ERBB4: variants seen among roughly 807,000 people sequenced by gnomAD.
ERBB4 encodes erb-b2 receptor tyrosine kinase 4, also known as receptor tyrosine-protein kinase erbB-4.
In ERBB4, 42 loss-of-function variants were observed where a neutral mutation model predicts 158.0. That is an observed-to-expected ratio of 0.27 (90% CI 0.21 to 0.34). The LOEUF (loss-of-function observed/expected upper bound fraction) is 0.34, where lower values mean the gene tolerates loss of function less well. Ranked by LOEUF, ERBB4 falls within the 10% of genes least tolerant of loss-of-function variation. ERBB4 has a pLI of 1.00. For synonymous variants in ERBB4, 583 were observed against 558.7 expected (o/e 1.04, Z -0.61); for missense variants, 1,333 against 1,624.1 (o/e 0.82, Z 3.08).
intron 1 of ERBB4, among the ~76,000 whole-genome samples, chr2:212,323,877 T>C (rs559739671): frequency 3.1e-4 from 46 of 150,576 alleles, no homozygotes; most frequent in African/African-American, 1.1e-3. Context: ...CACCTCTTTA[T>C]TGACTGACGT....
chr2:211,412,664 T>G (rs1326374336), intron 25 of ERBB4, among the ~76,000 whole-genome samples: 3 of 151,988 alleles, frequency 2.0e-5, no homozygotes, highest in Non-Finnish European at 4.4e-5. Flanking sequence ...TATAAGAAAT[T>G]GAACAATTTG....
chr2:211,462,042 C>A (rs1410905653), intron 20 of ERBB4, among the ~76,000 whole-genome samples: 3 of 151,582 alleles, frequency 2.0e-5, no homozygotes, highest in Non-Finnish European at 4.4e-5. Flanking sequence ...TGCACTGACT[C>A]AATATAAAGA....
At chr2:211,562,293 A>G (rs573700391) in intron 19 of ERBB4, among the ~76,000 whole-genome samples, 4 of 152,338 alleles carry the variant, frequency 2.6e-5, no homozygotes, top group South Asian at 4.1e-4. Context: ...AAGTCTCTAC[A>G]TGCATTAACA....
chr2:211,466,601 C>T (rs988321372), intron 20 of ERBB4, among the ~76,000 whole-genome samples: 3 of 152,012 alleles, frequency 2.0e-5, no homozygotes, highest in Non-Finnish European at 4.4e-5. Context: ...CTGTGGGTGG[C>T]AGAAATAAAC....
intron 1 of ERBB4, among the ~76,000 whole-genome samples, chr2:212,234,442 T>C (rs1266619759): frequency 6.6e-6 from 1 of 152,210 alleles, no homozygotes; most frequent in Non-Finnish European, 1.5e-5. Context: ...GCAATAAACA[T>C]ATATGTGCAT....
At chr2:212,522,741 T>C (rs908404777) in intron 1 of ERBB4, among the ~76,000 whole-genome samples, 1 of 152,020 alleles carries the variant, frequency 6.6e-6, no homozygotes, top group Non-Finnish European at 1.5e-5. Flanking sequence ...CCAAATTGAT[T>C]GTTAGAATAT....
chr2:212,421,254 T>G (rs2091785348), intron 1 of ERBB4, among the ~76,000 whole-genome samples: 4 of 152,114 alleles, frequency 2.6e-5, no homozygotes, highest in Admixed American at 1.3e-4. Flanking sequence ...CATTCTACAC[T>G]TTTCTAGAGA....
chr2:212,171,776 C>T (rs1051139221), intron 1 of ERBB4, among the ~76,000 whole-genome samples: 4 of 152,106 alleles, frequency 2.6e-5, no homozygotes, highest in African/African-American at 7.2e-5. Context: ...TTTCCTGAGG[C>T]CTACCCAGTC....
At chr2:211,385,604 A>C (rs2062668556) in intron 27 of ERBB4, among the ~76,000 whole-genome samples, 1 of 152,146 alleles carries the variant, frequency 6.6e-6, no homozygotes, top group African/African-American at 2.4e-5. Flanking sequence ...TCTACACTAA[A>C]ATTCTGTACT....
In ERBB4 at chr2:211,483,365, CAAGAAA is replaced by C. The variant is rs1559213194; in HGVS notation, c.2488-52271_2488-52266del. On this transcript the variant is annotated intron_variant, in intron 20 of 27. Coordinates refer to ENST00000342788, the MANE Select transcript of ERBB4 (RefSeq NM_005235.3). ...CAGATCCAAGTAACATAATGAGCCC[CAAGAAA>C]AAGAAATATGAATTAAACTATTCCA... Among the ~76,000 whole-genome samples the C allele has an allele frequency of 2.6e-5, 4 of 151,918 alleles. No individual in the cohort carries two copies. In the South Asian group the frequency reaches 8.3e-4, roughly 32 times the overall value.
At chr2:211,745,044 A>C (rs1055134357) in intron 5 of ERBB4, among the ~76,000 whole-genome samples, 3 of 152,240 alleles carry the variant, frequency 2.0e-5, no homozygotes, top group Non-Finnish European at 2.9e-5. Flanking sequence ...ATTGTCAAAA[A>C]CTTACATAGC....
chr2:211,994,266 G>A (rs1362091955), intron 2 of ERBB4, among the ~76,000 whole-genome samples: 1 of 151,608 alleles, frequency 6.6e-6, no homozygotes, highest in Non-Finnish European at 1.5e-5. Context: ...GAGTACCTAG[G>A]ATGACAGACA....
At chr2:211,752,848 T>C (rs1271545610) in intron 4 of ERBB4, among the ~76,000 whole-genome samples, 1 of 152,188 alleles carries the variant, frequency 6.6e-6, no homozygotes, top group Non-Finnish European at 1.5e-5. Flanking sequence ...TAACCTTGAC[T>C]GTCTACTCGA....
chr2:211,972,979 A>G (rs1212665953), intron 2 of ERBB4, among the ~76,000 whole-genome samples: 1 of 152,182 alleles, frequency 6.6e-6, no homozygotes, highest in Non-Finnish European at 1.5e-5. Context: ...AAAATGGGAG[A>G]AACAACCTAA....
At chr2:211,523,087 G>A (rs1012933837) in intron 20 of ERBB4, among the ~76,000 whole-genome samples, 5 of 149,128 alleles carry the variant, frequency 3.4e-5, no homozygotes, top group African/African-American at 1.2e-4. Flanking sequence ...AGAATGAAAG[G>A]GGTAGAGCAA....
chr2:211,856,830 T>C (rs2077878560), intron 3 of ERBB4, among the ~76,000 whole-genome samples: 2 of 152,270 alleles, frequency 1.3e-5, no homozygotes, highest in South Asian at 2.1e-4. Flanking sequence ...TCAATGTTTA[T>C]GAACATATGA....
rs148859237 is a variant in ERBB4, at chr2:211,760,211, T to G, written c.557-9507A>C. On this transcript the variant is annotated intron_variant, in intron 4 of 27. Coordinates refer to ENST00000342788, the MANE Select transcript of ERBB4 (RefSeq NM_005235.3). ...AAACACTGATGGGATCTGAAATAGA[T>G]GAGGGGATTTGTAGATGACTGGCAC... Among the ~76,000 whole-genome samples the G allele has an allele frequency of 2.9e-4, 44 of 152,248 alleles. No individual in the cohort carries two copies. In the East Asian group the frequency reaches 8.5e-3, roughly 29 times the overall value.
In ERBB4 at chr2:212,204,302, AC is replaced by A. The variant is rs575298913; in HGVS notation, c.83-79400del. On this transcript the variant is annotated intron_variant, in intron 1 of 27. Coordinates refer to ENST00000342788, the MANE Select transcript of ERBB4 (RefSeq NM_005235.3). ...TTTATTTTTCCATTTCCTTTAAAAAACTTTACAAAATATTATTTTGTTTTAA... is the reference window on the plus strand; with the variant it reads ...TTTATTTTTCCATTTCCTTTAAAAAATTTACAAAATATTATTTTGTTTTAA... Among the ~76,000 whole-genome samples, 188 of 152,292 alleles carry A rather than the reference AC, an allele frequency of 1.2e-3. 3 individuals carry two copies. Among genetic ancestry groups the A allele is most frequent in the Admixed American group, 9.7e-3 (148 of 15,300 alleles).
At chr2:211,534,423 G>A (rs1242995371) in intron 20 of ERBB4, among the ~76,000 whole-genome samples, 1 of 151,942 alleles carries the variant, frequency 6.6e-6, no homozygotes, top group Admixed American at 6.6e-5. Context: ...AATCTCCTTT[G>A]GATATTAACT....
Sources: allele counts gnomAD v4.1 joint callset (sites outside exome capture counted in the v4.1 genomes callset), GRCh38; gene constraint gnomAD v4.1.1; transcripts MANE v1.5; gene names NCBI Gene and HGNC (gene_info 2026-07-23, HGNC 2026-07-21).